The following SCHIP1 variants were observed in gnomAD, a reference collection of about 807,000 sequenced individuals.
SCHIP1 encodes schwannomin-interacting protein 1.
A neutral mutation model predicts 29.7 loss-of-function variants in SCHIP1; 8 were observed. That is an observed-to-expected ratio of 0.27 (90% CI 0.16 to 0.49). The LOEUF is 0.49. Ranked by LOEUF, SCHIP1 falls within the 20% of genes least tolerant of loss-of-function variation. The probability of loss-of-function intolerance (pLI) is 0.99; values close to 1 mark genes in which losing one functional copy is unlikely to be tolerated. For synonymous variants in SCHIP1, 76 were observed against 94.9 expected (o/e 0.80, Z 1.16); for missense variants, 193 against 294.6 (o/e 0.66, Z 2.52).
At chr3:159,484,997 CTT>C in the SCHIP1 span, among the ~76,000 whole-genome samples, 1 of 152,124 alleles carries the variant, frequency 6.6e-6, no homozygotes, top group South Asian at 2.1e-4. Flanking sequence ...ATAACTCTGT[CTT>C]TATTATCTCA....
At chr3:159,451,277 C>T in the SCHIP1 span, among the ~76,000 whole-genome samples, 2 of 152,200 alleles carry the variant, frequency 1.3e-5, no homozygotes, top group Admixed American at 6.5e-5. Flanking sequence ...GTTTACACAA[C>T]CCTCTTAACT....
chr3:159,341,930 C>T, the SCHIP1 span, among the ~76,000 whole-genome samples: 3,106 of 152,168 alleles, frequency 0.02, 38 homozygotes, highest in Non-Finnish European at 0.032. Context: ...GAATTATATC[C>T]TTCAGAACTG....
the SCHIP1 span, among the ~76,000 whole-genome samples, chr3:159,534,373 G>C: frequency 6.6e-6 from 1 of 152,138 alleles, no homozygotes. Flanking sequence ...AATATTGATT[G>C]CTATCGCAGA....
chr3:159,842,920 C>T (rs1303033905), intron 1 of SCHIP1, among the ~76,000 whole-genome samples: 3 of 150,946 alleles, frequency 2.0e-5, no homozygotes, highest in Non-Finnish European at 3.0e-5. Context: ...AGTCTTTGCT[C>T]AGATGTCACT....
At chr3:159,537,235 T>C in the SCHIP1 span, among the ~76,000 whole-genome samples, 3 of 152,286 alleles carry the variant, frequency 2.0e-5, no homozygotes, top group South Asian at 2.1e-4. Context: ...TGAGTGCTGA[T>C]TGCAGTTCAC....
chr3:159,532,035 A>G, the SCHIP1 span, among the ~76,000 whole-genome samples: 11 of 152,282 alleles, frequency 7.2e-5, no homozygotes, highest in South Asian at 2.3e-3. Flanking sequence ...CTTAATATTC[A>G]GCCTGTTTAT....
At chr3:159,289,895 G>A in the SCHIP1 span, among the ~76,000 whole-genome samples, 8 of 152,156 alleles carry the variant, frequency 5.3e-5, no homozygotes, top group Non-Finnish European at 1.2e-4. Flanking sequence ...AAAATCTTGG[G>A]AACATTCACA....
chr3:159,328,730 G>C, the SCHIP1 span, among the ~76,000 whole-genome samples: 1 of 152,150 alleles, frequency 6.6e-6, no homozygotes, highest in Admixed American at 6.5e-5. Context: ...CACACCAGGG[G>C]TCAAGACTTG....
chr3:159,603,434 G>C, the SCHIP1 span, among the ~76,000 whole-genome samples: 1 of 152,006 alleles, frequency 6.6e-6, no homozygotes, highest in African/African-American at 2.4e-5. Context: ...GGGTGAGGCT[G>C]AAAGTCCCAA....
chr3:159,608,923 G>A, the SCHIP1 span, among the ~76,000 whole-genome samples: 8,381 of 152,198 alleles, frequency 0.055, 304 homozygotes, highest in Admixed American at 0.1. Flanking sequence ...CATCACTTTC[G>A]TAGCAGTTAA....
At chr3:159,428,536 T>C in the SCHIP1 span, among the ~76,000 whole-genome samples, 1 of 151,958 alleles carries the variant, frequency 6.6e-6, no homozygotes, top group Non-Finnish European at 1.5e-5. Flanking sequence ...CATTAAAAGG[T>C]CAGGAAACAA....
At chr3:159,723,601 A>G in the SCHIP1 span, among the ~76,000 whole-genome samples, 2 of 152,160 alleles carry the variant, frequency 1.3e-5, no homozygotes, top group South Asian at 2.1e-4. Context: ...ATCATTTTAG[A>G]TAGGCTATGT....
chr3:159,699,015 T>C, the SCHIP1 span, among the ~76,000 whole-genome samples: 1 of 152,238 alleles, frequency 6.6e-6, no homozygotes, highest in Non-Finnish European at 1.5e-5. Context: ...ATTTTATTAC[T>C]TCGTGTAGAC....
At chr3:159,502,945 C>T in the SCHIP1 span, among the ~76,000 whole-genome samples, 9 of 152,262 alleles carry the variant, frequency 5.9e-5, no homozygotes, top group Admixed American at 2.6e-4. Flanking sequence ...AATATAAAGA[C>T]GCTAAAAGGC....
chr3:159,680,706 T>TATATATGTATATATATAC, the SCHIP1 span, among the ~76,000 whole-genome samples: 1 of 12,420 alleles, frequency 8.1e-5, no homozygotes, highest in African/African-American at 2.6e-4. Context: ...TAATATATAT[T>TATATATGTATATATATAC]ATATATAATA....
At chr3:159,495,159 G>C in the SCHIP1 span, among the ~76,000 whole-genome samples, 2 of 152,146 alleles carry the variant, frequency 1.3e-5, no homozygotes, top group African/African-American at 4.8e-5. Flanking sequence ...CATACTGAAT[G>C]GGCAAAAACT....
chr3:159,598,578 C>T, the SCHIP1 span, among the ~76,000 whole-genome samples: 1 of 152,186 alleles, frequency 6.6e-6, no homozygotes, highest in African/African-American at 2.4e-5. Flanking sequence ...CTCCCACAGC[C>T]TTGGAGAGCT....
At chr3:159,372,295 A>G in the SCHIP1 span, among the ~76,000 whole-genome samples, 1 of 152,132 alleles carries the variant, frequency 6.6e-6, no homozygotes, top group Non-Finnish European at 1.5e-5. Flanking sequence ...GAACAGAAGG[A>G]GCTTAAAATA....
At chr3:159,379,227 GT>G in the SCHIP1 span, among the ~76,000 whole-genome samples, 7,995 of 143,536 alleles carry the variant, frequency 0.056, 318 homozygotes, top group African/African-American at 0.12. Flanking sequence ...TTTGGTTTTT[GT>G]TTTTTTTTTT....
Sources: allele counts gnomAD v4.1 joint callset (sites outside exome capture counted in the v4.1 genomes callset), GRCh38; gene constraint gnomAD v4.1.1; transcripts MANE v1.5; gene names NCBI Gene and HGNC (gene_info 2026-07-23, HGNC 2026-07-21).